The following USP37 variants were observed in gnomAD, a reference collection of about 807,000 sequenced individuals.
USP37 encodes the protein ubiquitin carboxyl-terminal hydrolase 37.
A neutral mutation model predicts 124.0 loss-of-function variants in USP37; 27 were observed. That is an observed-to-expected ratio of 0.22 (90% CI 0.16 to 0.30). USP37 has a LOEUF of 0.30. Ranked by LOEUF, USP37 falls within the 10% of genes least tolerant of loss-of-function variation. USP37 has a pLI of 1.00. For missense variants in USP37, 889 were observed against 1,140.4 expected (o/e 0.78, Z 3.17); for synonymous variants, 365 against 388.0 (o/e 0.94, Z 0.70).
In USP37 at chr2:218,546,974, T is replaced by C. The variant is rs1479833589; in HGVS notation, c.547A>G (p.Ile183Val). The change falls in exon 7 of 26, where the codon ATT becomes GTT. Residue 183 changes from isoleucine to valine, a missense_variant. Coordinates refer to ENST00000258399, the MANE Select transcript of USP37 (RefSeq NM_020935.3). ...TVAGSGIART[I>V]PSLTSTSTPL... ...GTTGAAGTAGATGTCAAAGAAGGAATCGTCCGAGCTATTCCACTTCCTGCT... is the reference window on the plus strand; with the variant it reads ...GTTGAAGTAGATGTCAAAGAAGGAACCGTCCGAGCTATTCCACTTCCTGCT... 2 of 1,612,670 alleles carry C rather than the reference T, an allele frequency of 1.2e-6. No homozygotes were observed. The highest frequency in any genetic ancestry group is 2.7e-5 in the African/African-American group (2 of 74,826).
intron 14 of USP37, among the ~76,000 whole-genome samples, chr2:218,489,548 C>T (rs1001550731): frequency 9.9e-5 from 15 of 151,808 alleles, no homozygotes; most frequent in Non-Finnish European, 1.6e-4. Context: ...ATGGCACGAT[C>T]TCAGCTCACT....
Position 218,453,632 on chromosome 2 carries a change from G to C in USP37, c.*1298C>G, listed in dbSNP as rs1689554649. The C allele has an allele frequency of 6.6e-6, 1 of 152,134 alleles. No individual in the cohort carries two copies. The highest frequency in any genetic ancestry group is 2.4e-5 in the African/African-American group (1 of 41,428). The allele number at this position is 152,134 out of a possible 1,614,324, so 9.4% of individuals were successfully genotyped here. ...TTTCATAAGCTGCTTAACCAAGCTG[G>C]TTACGTCAGCTAAGTGACTAGCATA... On this transcript the variant is annotated 3_prime_UTR_variant, in exon 26 of 26. Transcript: ENST00000258399.
chr2:218,559,291 T>G (rs537470940), intron 3 of USP37, among the ~76,000 whole-genome samples: 24 of 151,980 alleles, frequency 1.6e-4, no homozygotes, highest in Non-Finnish European at 3.1e-4. Flanking sequence ...GCCTGGGCAA[T>G]AGAGTGAAGA....
At chr2:218,562,881 G>A (rs1424379729) in intron 1 of USP37, 68 bp from the exon 2 acceptor site, 7 of 392,832 alleles carry the variant, frequency 1.8e-5, no homozygotes, top group Admixed American at 4.4e-5. Context: ...AAAAGAAAGT[G>A]GGCTGGGCAC....
chr2:218,481,954 A>G, intron 17 of USP37, 116 bp downstream of exon 17: 7 of 1,233,310 alleles, frequency 5.7e-6, no homozygotes, highest in Non-Finnish European at 7.7e-6. Context: ...GCATCTGGCC[A>G]TTGATCTGAT....
chr2:218,519,008 C>G (rs1690446385), intron 10 of USP37, among the ~76,000 whole-genome samples: 1 of 152,124 alleles, frequency 6.6e-6, no homozygotes, highest in South Asian at 2.1e-4. Context: ...ATTTGCTGCC[C>G]TTTCTTAAGT....
chr2:218,548,620 G>A (rs866913441), intron 6 of USP37, among the ~76,000 whole-genome samples: 5 of 152,084 alleles, frequency 3.3e-5, no homozygotes. Flanking sequence ...TGGGATTACA[G>A]GAGTGAGCCA....
intron 1 of USP37, among the ~76,000 whole-genome samples, chr2:218,567,689 G>A (rs1693703539): frequency 6.6e-6 from 1 of 152,170 alleles, no homozygotes; most frequent in African/African-American, 2.4e-5. Context: ...CATGGATCAT[G>A]ACTTAAAATA....
At chr2:218,530,295 C>A (rs540981413) in intron 9 of USP37, among the ~76,000 whole-genome samples, 17 of 152,210 alleles carry the variant, frequency 1.1e-4, no homozygotes, top group African/African-American at 4.1e-4. Context: ...TGCCATTTTC[C>A]CAACAGTATA....
At chr2:218,522,402 T>C (rs372968075) in intron 10 of USP37, among the ~76,000 whole-genome samples, 11 of 146,310 alleles carry the variant, frequency 7.5e-5, no homozygotes, top group East Asian at 4.0e-4. Context: ...ATCTCTCTCT[T>C]TTTTTTTTTA....
At chr2:218,541,477 A>G (rs1026553008) in intron 8 of USP37, among the ~76,000 whole-genome samples, 17 of 152,172 alleles carry the variant, frequency 1.1e-4, no homozygotes, top group Non-Finnish European at 7.3e-5. Flanking sequence ...TATAATGGGC[A>G]ATCACAACAA....
rs5838700 is a variant in USP37 at position 218,459,080 on chromosome 2, TAA to T, written c.2643+708_2643+709del. 5.1e-3 allele frequency among the ~76,000 whole-genome samples: 751 copies of T among 147,344 alleles called. 5 individuals are homozygous for T. Among genetic ancestry groups the T allele is most frequent in the African/African-American group, 0.013 (535 of 40,164 alleles). ...AATTATTTAAGGGGGGAAAAAGGGT[TAA>T]AAAAAAAAAAACAGTTCAATGTGCC... On this transcript the variant is annotated intron_variant, in intron 23 of 25. Coordinates refer to ENST00000258399, the MANE Select transcript of USP37 (RefSeq NM_020935.3).
chr2:218,529,506 AG>A (rs1326678265), intron 10 of USP37, among the ~76,000 whole-genome samples: 1 of 150,828 alleles, frequency 6.6e-6, no homozygotes, highest in Admixed American at 6.6e-5. Flanking sequence ...AATTCTGTAG[AG>A]GCCAGGAGCA....
chr2:218,514,774 A>G (rs868115267), intron 10 of USP37, among the ~76,000 whole-genome samples: 51 of 152,204 alleles, frequency 3.4e-4, no homozygotes, highest in African/African-American at 1.2e-3. Context: ...GATTAAGGTA[A>G]TATTTTATTC....
At position 218,566,217 on chromosome 2, in the gene USP37, T is replaced by C. The variant is rs554980882; in HGVS notation, c.-230+1961A>G. ...ACTGCAGAAGGAGATGACTGATAGA[T>C]GGTGGTGCTGGAACAATCCAGGCAA... On this transcript the variant is annotated intron_variant, in intron 1 of 25. Coordinates refer to ENST00000258399, the MANE Select transcript of USP37 (RefSeq NM_020935.3). 3.3e-5 allele frequency among the ~76,000 whole-genome samples: 5 copies of C among 152,272 alleles called. No homozygotes were observed. In the South Asian group the frequency reaches 1.0e-3, roughly 32 times the overall value.
Position 218,526,067 on chromosome 2 carries a change from C to T in USP37, c.863+3889G>A, listed in dbSNP as rs539925250. 1.0e-3 allele frequency among the ~76,000 whole-genome samples: 157 copies of T among 152,270 alleles called. 1 individual carries two copies. Among genetic ancestry groups the T allele is most frequent in the African/African-American group, 3.5e-3 (144 of 41,554 alleles). On this transcript the variant is annotated intron_variant, in intron 10 of 25. Coordinates refer to ENST00000258399, the MANE Select transcript of USP37 (RefSeq NM_020935.3). ...AGTATTCTACGGTGTATATGTATCACGTTCTTTATCCAGTCTATCACTGAT... is the reference window on the plus strand; with the variant it reads ...AGTATTCTACGGTGTATATGTATCATGTTCTTTATCCAGTCTATCACTGAT...
chr2:218,528,677 TG>T, intron 10 of USP37: 1 of 428,454 alleles, frequency 2.3e-6, no homozygotes, highest in East Asian at 3.5e-5. Flanking sequence ...CTATCATTGA[TG>T]GGCATTTGCC....
intron 10 of USP37, among the ~76,000 whole-genome samples, chr2:218,524,561 AG>A (rs1690847997): frequency 1.3e-5 from 2 of 152,232 alleles, no homozygotes; most frequent in African/African-American, 4.8e-5. Context: ...CTCCTTTGAT[AG>A]AAAATATCAA....
intron 10 of USP37, among the ~76,000 whole-genome samples, chr2:218,521,956 C>T (rs1302366351): frequency 6.6e-6 from 1 of 151,964 alleles, no homozygotes; most frequent in Non-Finnish European, 1.5e-5. Context: ...CACACTGCAG[C>T]CTCGACCTCC....
Sources: gnomAD v4.1 joint callset for allele counts (sites outside exome capture counted in the v4.1 genomes callset) on GRCh38, gnomAD v4.1.1 for gene constraint, MANE v1.5 for transcripts, NCBI Gene and HGNC (gene_info 2026-07-23, HGNC 2026-07-21) for gene names.